PCDH9: variants seen among roughly 807,000 people sequenced by gnomAD.
PCDH9 encodes protocadherin-9.
In PCDH9, 24 loss-of-function variants were observed where a neutral mutation model predicts 70.6. That is an observed-to-expected ratio of 0.34 (90% CI 0.25 to 0.48). PCDH9 has a LOEUF of 0.48. Among genes scored for constraint, PCDH9 ranks in the 20% least tolerant of loss-of-function variants. The pLI is 0.99. For synonymous variants in PCDH9, 562 were observed against 558.5 expected (o/e 1.01, Z -0.09); for missense variants, 1,281 against 1,503.6 (o/e 0.85, Z 2.45).
At chr13:66,975,039 T>C (rs534158340) in intron 2 of PCDH9, among the ~76,000 whole-genome samples, 1 of 152,050 alleles carries the variant, frequency 6.6e-6, no homozygotes, top group African/African-American at 2.4e-5. Flanking sequence ...TTAATCATTG[T>C]ACTAAACTAA....
At chr13:66,672,115 C>G (rs1444516563) in intron 3 of PCDH9, among the ~76,000 whole-genome samples, 1 of 152,162 alleles carries the variant, frequency 6.6e-6, no homozygotes, top group Non-Finnish European at 1.5e-5. Context: ...TTTGTCCCAG[C>G]CATGGCTAAA....
intron 3 of PCDH9, among the ~76,000 whole-genome samples, chr13:66,693,525 T>A (rs901384656): frequency 6.6e-6 from 1 of 152,192 alleles, no homozygotes; most frequent in Non-Finnish European, 1.5e-5. Context: ...ATGAAATACA[T>A]TATTTTTAAA....
chr13:66,707,562 T>A (rs962683361), intron 3 of PCDH9, among the ~76,000 whole-genome samples: 1 of 152,224 alleles, frequency 6.6e-6, no homozygotes, highest in Admixed American at 6.5e-5. Flanking sequence ...ACATAGGCGC[T>A]TCTGCTCAAC....
chr13:66,811,644 C>A (rs1051002937), intron 3 of PCDH9, among the ~76,000 whole-genome samples: 6 of 149,056 alleles, frequency 4.0e-5, no homozygotes, highest in African/African-American at 1.5e-4. Context: ...GCCTAACCTG[C>A]CTTCCTGCCT....
intron 4 of PCDH9, among the ~76,000 whole-genome samples, chr13:66,390,743 A>AG (rs1218159097): frequency 6.6e-6 from 1 of 151,730 alleles, no homozygotes; most frequent in Non-Finnish European, 1.5e-5. Context: ...CAAAAAAAAA[A>AG]AAAAATCTGG....
chr13:66,940,394 A>G (rs2082988171), intron 2 of PCDH9, among the ~76,000 whole-genome samples: 2 of 152,096 alleles, frequency 1.3e-5, no homozygotes, highest in East Asian at 3.9e-4. Context: ...TGAGTCAGTA[A>G]TTTTTTCAGA....
At position 67,117,745 on chromosome 13, in the gene PCDH9, T is replaced by A. The variant is rs541428223; in HGVS notation, c.3036+107660A>T. Among the ~76,000 whole-genome samples, 31 of 152,258 alleles carry A rather than the reference T, an allele frequency of 2.0e-4. 1 individual carries two copies. In the South Asian group the frequency reaches 6.4e-3, roughly 32 times the overall value. On this transcript the variant is annotated intron_variant, in intron 2 of 4. Coordinates refer to ENST00000377865, the MANE Select transcript of PCDH9 (RefSeq NM_203487.3). ...CAGATAAAGGAGGGATGGGATTTTT[T>A]AAAGATCACTTTCCTTAATGCGGCC...
intron 4 of PCDH9, among the ~76,000 whole-genome samples, chr13:66,470,982 A>G (rs1958607977): frequency 6.6e-6 from 1 of 151,118 alleles, no homozygotes; most frequent in Non-Finnish European, 1.5e-5. Context: ...GTGCTCAATA[A>G]AAGGCAGCCT....
intron 3 of PCDH9, among the ~76,000 whole-genome samples, chr13:66,650,936 G>C (rs899239523): frequency 3.3e-5 from 5 of 151,904 alleles, no homozygotes; most frequent in Admixed American, 3.3e-4. Flanking sequence ...TGAATGACCA[G>C]GGGGTGAGTG....
intron 4 of PCDH9, among the ~76,000 whole-genome samples, chr13:66,505,682 C>T (rs1444446572): frequency 2.0e-5 from 3 of 152,140 alleles, no homozygotes; most frequent in African/African-American, 7.2e-5. Context: ...CATCAGATCT[C>T]ATGAGACTTA....
At chr13:66,849,330 A>G (rs1394706308) in intron 3 of PCDH9, among the ~76,000 whole-genome samples, 1 of 151,986 alleles carries the variant, frequency 6.6e-6, no homozygotes, top group East Asian at 1.9e-4. Flanking sequence ...TCAGGGTACA[A>G]TGAATTTGAT....
chr13:66,943,443 G>A (rs1044304927), intron 2 of PCDH9, among the ~76,000 whole-genome samples: 1 of 152,012 alleles, frequency 6.6e-6, no homozygotes, highest in Non-Finnish European at 1.5e-5. Flanking sequence ...ATAGAGTACT[G>A]ACATTTCTCT....
In PCDH9 at chr13:66,376,431, C is replaced by A. The variant is rs75619085; in HGVS notation, c.3341-71403G>T. ...TCTTGTTTCATATAATTAATATGAT[C>A]TTTTTTTGCAGTTGTTCTCCTTATA... On this transcript the variant is annotated intron_variant, in intron 4 of 4. Transcript: ENST00000377865. Among the ~76,000 whole-genome samples the A allele has an allele frequency of 6.7e-3, 1,024 of 152,102 alleles. 15 individuals are homozygous for A. The highest frequency in any genetic ancestry group is 0.023 in the African/African-American group (961 of 41,498).
intron 2 of PCDH9, among the ~76,000 whole-genome samples, chr13:67,006,808 C>A (rs2084362871): frequency 6.6e-6 from 1 of 151,880 alleles, no homozygotes; most frequent in Admixed American, 6.6e-5. Flanking sequence ...GTATTTATTT[C>A]AATAAGATAT....
chr13:67,093,063 T>C (rs146622261), intron 2 of PCDH9, among the ~76,000 whole-genome samples: 492 of 152,282 alleles, frequency 3.2e-3, no homozygotes, highest in Non-Finnish European at 5.8e-3. Context: ...AAAAGAGAAA[T>C]ATCACTTGTT....
intron 4 of PCDH9, among the ~76,000 whole-genome samples, chr13:66,424,019 G>A (rs184973380): frequency 5.2e-4 from 79 of 151,896 alleles, no homozygotes; most frequent in Non-Finnish European, 9.0e-4. Flanking sequence ...ACAAGCATTC[G>A]TATACACCAA....
intron 3 of PCDH9, among the ~76,000 whole-genome samples, chr13:66,811,149 A>T (rs2080498322): frequency 6.6e-6 from 1 of 152,210 alleles, no homozygotes; most frequent in Non-Finnish European, 1.5e-5. Context: ...TCAGTAAAAA[A>T]ATTGTTAAAA....
At chr13:66,798,916 A>G (rs1218707255) in intron 3 of PCDH9, among the ~76,000 whole-genome samples, 2 of 152,062 alleles carry the variant, frequency 1.3e-5, no homozygotes, top group African/African-American at 2.4e-5. Flanking sequence ...CCTGGGTTCA[A>G]GAATTCTCAT....
At chr13:66,367,342 G>A (rs1956571013) in intron 4 of PCDH9, among the ~76,000 whole-genome samples, 2 of 152,060 alleles carry the variant, frequency 1.3e-5, no homozygotes, top group African/African-American at 4.8e-5. Context: ...CAGACACTCT[G>A]TTTGCATTAA....
Sources: gnomAD v4.1 joint callset for allele counts (sites outside exome capture counted in the v4.1 genomes callset) on GRCh38, gnomAD v4.1.1 for gene constraint, MANE v1.5 for transcripts, NCBI Gene and HGNC (gene_info 2026-07-23, HGNC 2026-07-21) for gene names.